Variants in ITSN2 observed in about 807,000 individuals in gnomAD.
The protein encoded by ITSN2 is intersectin-2.
In ITSN2, 156 loss-of-function variants were observed where a neutral mutation model predicts 243.7. The ratio of observed to expected loss-of-function variants is 0.64; its 90% CI spans 0.56 to 0.73. The LOEUF is 0.73. ITSN2 is among the 30% of genes least tolerant of loss of function. ITSN2 has a pLI of 0.00. For synonymous variants in ITSN2, 703 were observed against 699.9 expected, an observed-to-expected ratio of 1.00 and a Z score of -0.07; for missense variants, 1,801 against 1,996.1, an observed-to-expected ratio of 0.90 and a Z score of 1.86.
In ITSN2 at chr2:24,204,421, G is replaced by C. The variant is rs1450775018; in HGVS notation, c.4763-3C>G. The C allele has an allele frequency of 1.2e-6, 2 of 1,614,030 alleles. No homozygotes were observed. The highest frequency in any genetic ancestry group is 1.7e-5 in the Admixed American group (1 of 60,020). On this transcript the variant is annotated splice_region_variant and splice_polypyrimidine_tract_variant and intron_variant, in intron 38 of 39. Transcript: ENST00000355123. The surrounding 1 kb of genome is among the most constrained non-coding windows in gnomAD (Gnocchi z 5.1). ...TTCACAGTATGGGTTGCTCTTTCCT[G>C]AACAAAAACAAACCACAGACACATG...
At chr2:24,224,813 A>G (rs1670864325) in intron 29 of ITSN2, among the ~76,000 whole-genome samples, 1 of 152,200 alleles carries the variant, frequency 6.6e-6, no homozygotes, top group Admixed American at 6.5e-5. Context: ...TATCTTTAGT[A>G]GAGACGGGGT....
intron 2 of ITSN2, among the ~76,000 whole-genome samples, chr2:24,325,251 A>T (rs145079991): frequency 6.6e-6 from 1 of 152,096 alleles, no homozygotes; most frequent in Non-Finnish European, 1.5e-5. Flanking sequence ...GTCTACAAAA[A>T]ATCTAAAAAT....
chr2:24,292,872 T>C (rs1024812909), intron 15 of ITSN2, among the ~76,000 whole-genome samples: 12 of 152,196 alleles, frequency 7.9e-5, no homozygotes, highest in Non-Finnish European at 1.5e-4. Context: ...TGTTCAGAAC[T>C]TGCGCAAAGA....
chr2:24,286,403 T>C lies in ITSN2; in HGVS notation c.1724-52A>G, dbSNP rs533198912. ...CATTTTGCAGAAGTTCGTATGTCAT[T>C]ACCAGCATGTCATTTACTGTTTGGT... On this transcript the variant is annotated intron_variant, in intron 15 of 39. Transcript: ENST00000355123. 330 of 1,505,410 alleles carry C rather than the reference T, an allele frequency of 2.2e-4. 3 individuals carry two copies. In the Middle Eastern group the frequency reaches 3.9e-3, roughly 18 times the overall value. 93.3% of individuals were successfully genotyped at this position (1,505,410 alleles called of 1,614,324 possible).
chr2:24,218,161 A>T, intron 30 of ITSN2, 148 bp from the exon 31 acceptor site: 1 of 608,352 alleles, frequency 1.6e-6, no homozygotes. Context: ...AAATAAGCAT[A>T]CTTATGACAC....
At chr2:24,286,113 GTAAT>G in intron 16 of ITSN2, 95 bp downstream of exon 16, 1 of 664,000 alleles carries the variant, frequency 1.5e-6, no homozygotes, top group Non-Finnish European at 2.5e-6. Flanking sequence ...TTATGAAAAT[GTAAT>G]ACATATAATA....
intron 5 of ITSN2, 27 bp from the exon 6 acceptor site, chr2:24,310,719 C>T (rs1389045208): frequency 6.3e-7 from 1 of 1,593,404 alleles, no homozygotes; most frequent in Non-Finnish European, 8.6e-7. Flanking sequence ...ACATTTTTTC[C>T]AGTGCTAGAA....
intron 30 of ITSN2, chr2:24,220,572 A>G (rs925385681): frequency 4.3e-5 from 46 of 1,074,250 alleles, no homozygotes; most frequent in Non-Finnish European, 5.0e-5. Flanking sequence ...GTTAAAACAG[A>G]TATTAGGCAA....
At chr2:24,307,341 G>A (rs1183213911) in intron 8 of ITSN2, among the ~76,000 whole-genome samples, 7 of 149,830 alleles carry the variant, frequency 4.7e-5, no homozygotes, top group Non-Finnish European at 8.9e-5. Flanking sequence ...TAATTTTAGA[G>A]ACATTAAAAT....
At chr2:24,344,019 T>C (rs2151915183) in intron 1 of ITSN2, among the ~76,000 whole-genome samples, 1 of 152,330 alleles carries the variant, frequency 6.6e-6, no homozygotes, top group East Asian at 1.9e-4. Context: ...ATTTATTTTA[T>C]GCATATATAA....
Position 24,203,776 on chromosome 2 carries a change from C to T in ITSN2, c.4944G>A (p.Leu1648=). ...TTGCCACTGGAATTTCAGTACGACC[C>T]AGGAAATCTGGTGAATAAACACAGG... ...DRDQFSPDDF[L]GRTEIPVAKI... The change falls in exon 40 of 40, where the codon CTG becomes CTA. Residue 1648 remains leucine, a synonymous_variant. Transcript: ENST00000355123. 1.2e-6 allele frequency: 2 copies of T among 1,613,324 alleles called. No individual in the cohort carries two copies. Among genetic ancestry groups the T allele is most frequent in the Non-Finnish European group, 1.7e-6 (2 of 1,179,574 alleles).
chr2:24,282,287 G>A (rs1015208392), intron 17 of ITSN2, among the ~76,000 whole-genome samples: 1 of 152,218 alleles, frequency 6.6e-6, no homozygotes, highest in African/African-American at 2.4e-5. Context: ...GCACCAGCAG[G>A]CCAGCAGGCC....
chr2:24,223,150 C>A (rs1481799244), intron 29 of ITSN2, among the ~76,000 whole-genome samples: 1 of 152,110 alleles, frequency 6.6e-6, no homozygotes. Context: ...CTAAGGCAAC[C>A]AAGAAGGGCA....
In ITSN2 at chr2:24,360,480, C is replaced by G. The variant is rs1394109139; in HGVS notation, c.-210G>C. On this transcript the variant is annotated 5_prime_UTR_variant, in exon 1 of 40. Transcript: ENST00000355123. ...CCTGTTGCGTAGCCTGTCACAGCCG[C>G]TCAGGGCTCCGCCGGCGCCGCCTCA... 2.6e-5 allele frequency: 4 copies of G among 152,268 alleles called. No individual in the cohort carries two copies. In the East Asian group the frequency reaches 5.8e-4, roughly 22 times the overall value. 9.4% of individuals were successfully genotyped at this position (152,268 alleles called of 1,614,324 possible). A position where few individuals can be genotyped will look rare whatever the true frequency, so the allele number is the denominator to read the frequency against.
intron 29 of ITSN2, among the ~76,000 whole-genome samples, chr2:24,222,410 CA>C (rs1670555637): frequency 6.6e-6 from 1 of 152,006 alleles, no homozygotes; most frequent in African/African-American, 2.4e-5. Context: ...CAAAAGACTG[CA>C]AAACCACAAA....
intron 29 of ITSN2, among the ~76,000 whole-genome samples, chr2:24,229,132 C>T (rs1284891054): frequency 1.3e-5 from 2 of 150,552 alleles, no homozygotes; most frequent in African/African-American, 2.4e-5. Context: ...AGACCCATAC[C>T]CCACCTCCCT....
chr2:24,249,347 T>G lies in ITSN2; in HGVS notation c.3121-465A>C, dbSNP rs1238566353. Among the ~76,000 whole-genome samples the G allele has an allele frequency of 6.6e-6, 1 of 152,154 alleles. No individual in the cohort carries two copies. The highest frequency in any genetic ancestry group is 1.5e-5 in the Non-Finnish European group (1 of 68,012). On this transcript the variant is annotated intron_variant, in intron 25 of 39. Transcript: ENST00000355123. This position sits in a 1 kb window ranked among gnomAD's most constrained non-coding sequence, Gnocchi z 4.4. ...GAGACAATGTTTTTATTTTTATTTATTTTACCATCCTCCCCCCAAACTGAC... is the reference window on the plus strand; with the variant it reads ...GAGACAATGTTTTTATTTTTATTTAGTTTACCATCCTCCCCCCAAACTGAC...
intron 37 of ITSN2, among the ~76,000 whole-genome samples, chr2:24,207,371 C>T (rs1386135173): frequency 6.6e-6 from 1 of 152,026 alleles, no homozygotes; most frequent in East Asian, 1.9e-4. Flanking sequence ...CTACTGTCCA[C>T]AGAGGGTCCC....
chr2:24,245,851 G>A (rs959469645), intron 29 of ITSN2, among the ~76,000 whole-genome samples: 2 of 152,154 alleles, frequency 1.3e-5, no homozygotes, highest in African/African-American at 4.8e-5. Flanking sequence ...AAAAGAAGCT[G>A]CAGTATAGAT....
Sources: allele counts gnomAD v4.1 joint callset (sites outside exome capture counted in the v4.1 genomes callset), GRCh38; gene constraint gnomAD v4.1.1; non-coding constraint Gnocchi (gnomAD v3.1); transcripts MANE v1.5; gene names NCBI Gene and HGNC (gene_info 2026-07-23, HGNC 2026-07-21).